The following ABCC1 variants were observed in gnomAD, a reference collection of about 807,000 sequenced individuals.
ABCC1 encodes the protein ATP binding cassette subfamily C member 1 (ABCC1 blood group), also known as multidrug resistance-associated protein 1.
ABCC1 carries 83 observed loss-of-function variants against 172.9 expected under a neutral mutation model. The ratio of observed to expected loss-of-function variants is 0.48; its 90% CI spans 0.40 to 0.58. The LOEUF is 0.58. Among genes scored for constraint, ABCC1 ranks in the 20% least tolerant of loss-of-function variants. The pLI, the probability that ABCC1 is intolerant of heterozygous loss-of-function variation, is 0.00. For synonymous variants in ABCC1, 937 were observed against 825.2 expected, an observed-to-expected ratio of 1.14 and a Z score of -2.32; for missense variants, 1,817 against 2,002.7, an observed-to-expected ratio of 0.91 and a Z score of 1.77.
chr16:15,984,212 G>A lies in ABCC1; in HGVS notation c.49-23604G>A, dbSNP rs2046693635. Among the ~76,000 whole-genome samples, 2 of 152,156 alleles carry A rather than the reference G, an allele frequency of 1.3e-5. 1 individual carries two copies. Among genetic ancestry groups the A allele is most frequent in the South Asian group, 4.1e-4 (2 of 4,834 alleles). Reference sequence around the variant, plus strand: ...GGATGCTTGCAGAAGGACATAAGACGAGGAAGCCCTTTGTGCACAGATGTG... The same window carrying A: ...GGATGCTTGCAGAAGGACATAAGACAAGGAAGCCCTTTGTGCACAGATGTG... On this transcript the variant is annotated intron_variant, in intron 1 of 30. Coordinates refer to ENST00000399410, the MANE Select transcript of ABCC1 (RefSeq NM_004996.4).
At chr16:16,029,191 C>G (rs875740) in intron 5 of ABCC1, among the ~76,000 whole-genome samples, 1 of 151,964 alleles carries the variant, frequency 6.6e-6, no homozygotes, top group African/African-American at 2.4e-5. Flanking sequence ...AGTAGACAGC[C>G]TAGGATAATG....
chr16:15,985,576 C>T (rs1030299191), intron 1 of ABCC1, among the ~76,000 whole-genome samples: 1 of 152,072 alleles, frequency 6.6e-6, no homozygotes, highest in Non-Finnish European at 1.5e-5. Context: ...TCCTGAGTAG[C>T]TGGGACTACA....
At chr16:16,055,365 C>T (rs2049603512) in intron 11 of ABCC1, among the ~76,000 whole-genome samples, 1 of 151,974 alleles carries the variant, frequency 6.6e-6, no homozygotes, top group Admixed American at 6.6e-5. Context: ...GCCTGGCCAA[C>T]ATGGTGAAGC....
At position 16,132,027 on chromosome 16, in the gene ABCC1, C is replaced by G. The variant is rs544083406; in HGVS notation, c.3966+92C>G. The G allele has an allele frequency of 4.0e-5, 60 of 1,486,670 alleles. No individual in the cohort carries two copies. The East Asian group carries it at 1.0e-3, about 25-fold the overall frequency. The allele number at this position is 1,486,670 out of a possible 1,614,324, so 92.1% of individuals were successfully genotyped here. On this transcript the variant is annotated intron_variant, in intron 27 of 30. Coordinates refer to ENST00000399410, the MANE Select transcript of ABCC1 (RefSeq NM_004996.4). ...AACCTAGCTGCAGCGTCTCCCCAGT[C>G]ACTCACGGCTCCACACCTTTGCTTG...
chr16:15,989,232 A>G (rs1306001436), intron 1 of ABCC1, among the ~76,000 whole-genome samples: 1 of 151,858 alleles, frequency 6.6e-6, no homozygotes, highest in East Asian at 1.9e-4. Context: ...CTGTGATGTT[A>G]CTGGGCTTTA....
chr16:16,030,127 AC>A (rs1167646156), intron 5 of ABCC1, among the ~76,000 whole-genome samples: 1 of 152,212 alleles, frequency 6.6e-6, no homozygotes, highest in African/African-American at 2.4e-5. Context: ...TGGAGAAAAT[AC>A]TTGTTTCTTT....
At chr16:16,113,462 C>T (rs1246540594) in intron 22 of ABCC1, among the ~76,000 whole-genome samples, 3 of 152,164 alleles carry the variant, frequency 2.0e-5, no homozygotes, top group Admixed American at 6.5e-5. Flanking sequence ...CAAGACCAGC[C>T]TGGGCAGCAT....
At chr16:16,055,911 G>C (rs1450958167) in intron 11 of ABCC1, among the ~76,000 whole-genome samples, 181 bp from the exon 12 acceptor site, 1 of 149,200 alleles carries the variant, frequency 6.7e-6, no homozygotes, top group African/African-American at 2.5e-5. Flanking sequence ...AGGAGTTTGA[G>C]ACCAGCCTGG....
At chr16:16,033,420 G>A (rs2048626949) in intron 6 of ABCC1, among the ~76,000 whole-genome samples, 2 of 152,176 alleles carry the variant, frequency 1.3e-5, no homozygotes, top group Non-Finnish European at 2.9e-5. Flanking sequence ...GGCTTTGCCT[G>A]GGACAGCCAT....
intron 20 of ABCC1, among the ~76,000 whole-genome samples, chr16:16,105,774 A>G (rs1331466550): frequency 6.9e-6 from 1 of 144,860 alleles, no homozygotes; most frequent in Non-Finnish European, 1.5e-5. Context: ...TGCAGTGTGC[A>G]GTGGCGCGAT....
intron 22 of ABCC1, among the ~76,000 whole-genome samples, chr16:16,112,225 G>A (rs2044646450): frequency 6.6e-6 from 1 of 152,052 alleles, no homozygotes; most frequent in East Asian, 1.9e-4. Context: ...CAGGTCACGT[G>A]GTGGTATGCG....
At position 16,124,785 on chromosome 16, in the gene ABCC1, G is replaced by A. The variant is rs746355169; in HGVS notation, c.3591-4G>A. On this transcript the variant is annotated splice_polypyrimidine_tract_variant and splice_region_variant and intron_variant, in intron 24 of 30. Transcript: ENST00000399410. ...TGTTTGTCTGCCTGTGTGTCTTGGC[G>A]CAGGTGGCTGGCCGTGCGGCTGGAG... 54 of 1,614,002 alleles carry A rather than the reference G, an allele frequency of 3.3e-5. No homozygotes were observed. The highest frequency in any genetic ancestry group is 2.7e-4 in the East Asian group (12 of 44,886).
intron 14 of ABCC1, 45 bp from the exon 15 acceptor site, chr16:16,076,281 G>T (rs755557026): frequency 6.3e-7 from 1 of 1,579,574 alleles, no homozygotes; most frequent in South Asian, 1.1e-5. Context: ...TGCATGTGGA[G>T]TCGCACAGCT....
chr16:16,121,133 A>G (rs1158224748), intron 23 of ABCC1, among the ~76,000 whole-genome samples: 1 of 152,232 alleles, frequency 6.6e-6, no homozygotes, highest in Non-Finnish European at 1.5e-5. Flanking sequence ...CATCACATGT[A>G]AGACTGTAAC....
intron 1 of ABCC1, among the ~76,000 whole-genome samples, chr16:15,998,352 C>T (rs559070781): frequency 1.3e-5 from 2 of 152,182 alleles, no homozygotes; most frequent in Admixed American, 1.3e-4. Context: ...TTCTTGAACT[C>T]CTGAGCTCAA....
chr16:15,949,217 A>T (rs944973421), upstream of ABCC1, among the ~76,000 whole-genome samples: 1 of 151,948 alleles, frequency 6.6e-6, no homozygotes, highest in Non-Finnish European at 1.5e-5. Flanking sequence ...ACTTTACAGG[A>T]TGAAATGAGG....
At chr16:15,976,919 G>C (rs1205637032) in intron 1 of ABCC1, among the ~76,000 whole-genome samples, 1 of 152,190 alleles carries the variant, frequency 6.6e-6, no homozygotes, top group Non-Finnish European at 1.5e-5. Context: ...CTCGAGCCCA[G>C]ATCTGCTGCC....
chr16:16,074,402 A>G (rs2050473255), intron 14 of ABCC1, among the ~76,000 whole-genome samples: 1 of 152,038 alleles, frequency 6.6e-6, no homozygotes, highest in African/African-American at 2.4e-5. Context: ...CAATGATTCC[A>G]TCTACTCTGG....
chr16:16,096,216 G>T (rs972183633), intron 19 of ABCC1, among the ~76,000 whole-genome samples: 1 of 145,498 alleles, frequency 6.9e-6, no homozygotes, highest in Non-Finnish European at 1.5e-5. Context: ...GTAACAGAGC[G>T]AGACTGTCTC....
Sources: gnomAD v4.1 joint callset for allele counts (sites outside exome capture counted in the v4.1 genomes callset) on GRCh38, gnomAD v4.1.1 for gene constraint, MANE v1.5 for transcripts, NCBI Gene and HGNC (gene_info 2026-07-23, HGNC 2026-07-21) for gene names.